Variants in RIPOR3 observed in about 807,000 individuals in gnomAD.
The protein encoded by RIPOR3 is family with sequence similarity 65 member C.
Under a neutral mutation model 114.3 loss-of-function variants are expected in RIPOR3, and 95 were observed. The observed-to-expected ratio is 0.83, with a 90% confidence interval of 0.70 to 0.99. The LOEUF (loss-of-function observed/expected upper bound fraction) is 0.99. Ranked by LOEUF, RIPOR3 falls within the 50% of genes least tolerant of loss-of-function variation. The pLI is 0.00. For synonymous variants in RIPOR3, 575 were observed against 543.8 expected (o/e 1.06, Z -0.80); for missense variants, 1,252 against 1,266.9 (o/e 0.99, Z 0.18).
intron 1 of RIPOR3, among the ~76,000 whole-genome samples, chr20:50,637,485 G>C (rs1329150700): frequency 6.6e-6 from 1 of 152,112 alleles, no homozygotes; most frequent in African/African-American, 2.4e-5. Flanking sequence ...TCATGGTTCT[G>C]ATTGTCTTAT....
At chr20:50,662,483 T>A (rs1224017372) in intron 1 of RIPOR3, among the ~76,000 whole-genome samples, 1 of 152,154 alleles carries the variant, frequency 6.6e-6, no homozygotes. Context: ...GTGGACTTCA[T>A]AGGTGCAGCC....
Position 50,593,177 on chromosome 20 carries a change from C to T in RIPOR3, c.2232G>A (p.Glu744=). 1.2e-6 allele frequency: 2 copies of T among 1,613,110 alleles called. No individual in the cohort carries two copies. Among genetic ancestry groups the T allele is most frequent in the Non-Finnish European group, 1.7e-6 (2 of 1,180,028 alleles). Residue 744 remains glutamate (E), a synonymous_variant, in exon 18 of 22, where the codon GAG becomes GAA. Transcript: ENST00000327979. The part of the protein sequence containing the change: ...QLEIACRRLL[E]QVVSCGGLLP... Reference sequence around the variant, plus strand: ...GCAGCCCACCACAGCTGACCACCTGCTCCAGGAGCCTGCGGCACGCTGGCC... The same window carrying T: ...GCAGCCCACCACAGCTGACCACCTGTTCCAGGAGCCTGCGGCACGCTGGCC...
chr20:50,637,449 C>T (rs1253024966), intron 1 of RIPOR3, among the ~76,000 whole-genome samples: 1 of 152,136 alleles, frequency 6.6e-6, no homozygotes, highest in Non-Finnish European at 1.5e-5. Flanking sequence ...CGTGGACTTG[C>T]CCCTCACCCG....
chr20:50,641,882 A>G (rs951977178), intron 1 of RIPOR3, among the ~76,000 whole-genome samples: 1 of 152,102 alleles, frequency 6.6e-6, no homozygotes, highest in Non-Finnish European at 1.5e-5. Flanking sequence ...AACCCTCCCA[A>G]TGCAGGGCGG....
At chr20:50,592,257 C>T in intron 19 of RIPOR3, 87 bp downstream of exon 19, 11 of 1,379,196 alleles carry the variant, frequency 8.0e-6, no homozygotes, top group Non-Finnish European at 1.1e-5. Context: ...CTGGCACTCA[C>T]TTCTTTGTAC....
intron 1 of RIPOR3, among the ~76,000 whole-genome samples, chr20:50,640,658 C>G (rs113154329): frequency 0.13 from 17,380 of 130,896 alleles, 20 homozygotes; most frequent in African/African-American, 0.23. Flanking sequence ...GACAGCAGAG[C>G]AGCTTCCCTC....
intron 1 of RIPOR3, among the ~76,000 whole-genome samples, chr20:50,667,677 T>C (rs1196303130): frequency 6.6e-6 from 1 of 152,074 alleles, no homozygotes; most frequent in Non-Finnish European, 1.5e-5. Flanking sequence ...GGGGCCATGA[T>C]ACTGAACTCA....
At chr20:50,690,793 C>G (rs985566961) in intron 1 of RIPOR3, among the ~76,000 whole-genome samples, 1 of 152,074 alleles carries the variant, frequency 6.6e-6, no homozygotes, top group Non-Finnish European at 1.5e-5. Context: ...TTTCCCGAGC[C>G]GACGCTTCAA....
At position 50,679,135 on chromosome 20, in the gene RIPOR3, A is replaced by AATATATATATATATATATAT; in HGVS notation, c.3+11990_3+11991insATATATATATATATATATAT. On this transcript the variant is annotated intron_variant, in intron 1 of 21. Coordinates refer to ENST00000327979, the MANE Select transcript of RIPOR3 (RefSeq NM_001290268.2). ...AAAAAAAAAAAAAAAAAAAAAAAAA[A>AATATATATATATATATATAT]ATATATATATATATACACACACACA... 1.0e-3 allele frequency among the ~76,000 whole-genome samples: 21 copies of AATATATATATATATATATAT among 20,762 alleles called. 1 individual carries two copies. The highest frequency in any genetic ancestry group is 3.4e-3 in the South Asian group (1 of 294). 13.6% of individuals were successfully genotyped at this position (20,762 alleles called of 152,430 possible).
intron 1 of RIPOR3, among the ~76,000 whole-genome samples, chr20:50,647,862 A>G (rs1158905664): frequency 2.6e-5 from 4 of 152,150 alleles, no homozygotes; most frequent in African/African-American, 9.7e-5. Flanking sequence ...ATTGGAAGCC[A>G]CTGAAATTAT....
In RIPOR3 at chr20:50,652,077, G is replaced by A. The variant is rs540733580; in HGVS notation, c.4-21221C>T. Among the ~76,000 whole-genome samples, 14 of 152,350 alleles carry A rather than the reference G, an allele frequency of 9.2e-5. 1 individual carries two copies. In the South Asian group the frequency reaches 2.9e-3, roughly 32 times the overall value. ...CCTTTGCACTGGCTTCCCTGAGGAA[G>A]CATTTGCATTTAGGGTTCTGCTGTG... On this transcript the variant is annotated intron_variant, in intron 1 of 21. Transcript: ENST00000327979.
rs191502847 is a variant in RIPOR3 at position 50,624,410 on chromosome 20, C to T, written c.123-4278G>A. On this transcript the variant is annotated intron_variant, in intron 2 of 21. Coordinates refer to ENST00000327979, the MANE Select transcript of RIPOR3 (RefSeq NM_001290268.2). ...GCCTCCAGCCCCCAACAGGTGTGCA[C>T]CGTTGGCCCAGCCCCGCTTCCATCC... Among the ~76,000 whole-genome samples, 237 of 152,308 alleles carry T rather than the reference C, an allele frequency of 1.6e-3. 2 individuals are homozygous for T. The highest frequency in any genetic ancestry group is 6.4e-3 in the South Asian group (31 of 4,824).
intron 2 of RIPOR3, among the ~76,000 whole-genome samples, chr20:50,628,481 G>A (rs559323339): frequency 7.9e-5 from 12 of 152,070 alleles, no homozygotes; most frequent in Middle Eastern, 6.8e-3. Context: ...GCTGCCTCCC[G>A]CCGCCGAAGG....
intron 1 of RIPOR3, among the ~76,000 whole-genome samples, chr20:50,650,527 C>T (rs560947816): frequency 2.1e-4 from 32 of 152,252 alleles, no homozygotes; most frequent in Middle Eastern, 6.8e-3. Context: ...TGGTCTCAAA[C>T]TCCTGAGCTT....
rs551999285 is a variant in RIPOR3 at position 50,684,911 on chromosome 20, G to A, written c.3+6215C>T. 3.2e-4 allele frequency among the ~76,000 whole-genome samples: 49 copies of A among 152,282 alleles called. 1 individual carries two copies. The Middle Eastern group carries it at 0.024, about 74-fold the overall frequency. ...CTACCTCAGTTTCCCGAGTACCTGGGACCACAGGTGCATGCAACCACACCC... is the reference window on the plus strand; with the variant it reads ...CTACCTCAGTTTCCCGAGTACCTGGAACCACAGGTGCATGCAACCACACCC... On this transcript the variant is annotated intron_variant, in intron 1 of 21. Coordinates refer to ENST00000327979, the MANE Select transcript of RIPOR3 (RefSeq NM_001290268.2).
At chr20:50,671,364 C>G (rs1367020687) in intron 1 of RIPOR3, among the ~76,000 whole-genome samples, 9 of 152,104 alleles carry the variant, frequency 5.9e-5, no homozygotes, top group Admixed American at 2.0e-4. Context: ...TTATAAAAGA[C>G]AGTGACTTCC....
chr20:50,660,882 A>C (rs1272491629), intron 1 of RIPOR3, among the ~76,000 whole-genome samples: 2 of 138,284 alleles, frequency 1.4e-5, no homozygotes, highest in African/African-American at 2.7e-5. Flanking sequence ...AGCACCCCCC[A>C]CCTATGCCCT....
chr20:50,595,308 C>T, intron 16 of RIPOR3, 61 bp downstream of exon 16: 1 of 1,586,210 alleles, frequency 6.3e-7, no homozygotes, highest in Non-Finnish European at 8.6e-7. Context: ...GCTCCCCGAG[C>T]TTTGATCCCG....
chr20:50,596,108 CCCCT>C, intron 15 of RIPOR3, 28 bp downstream of exon 15: 1 of 1,613,520 alleles, frequency 6.2e-7, no homozygotes, highest in East Asian at 2.2e-5. Flanking sequence ...CCCCTGTCTG[CCCCT>C]CCCTGACAAG....
Sources: gnomAD v4.1 joint callset for allele counts (sites outside exome capture counted in the v4.1 genomes callset) on GRCh38, gnomAD v4.1.1 for gene constraint, MANE v1.5 for transcripts, NCBI Gene and HGNC (gene_info 2026-07-23, HGNC 2026-07-21) for gene names.